Variants in MAST4 observed in about 807,000 individuals in gnomAD.
The protein encoded by MAST4 is microtubule-associated serine/threonine-protein kinase 4.
MAST4 carries 89 observed loss-of-function variants against 162.7 expected under a neutral mutation model. That is an observed-to-expected ratio of 0.55 (90% confidence interval 0.46 to 0.65). MAST4 has a LOEUF of 0.65. Ranked by LOEUF, MAST4 falls within the 30% of genes least tolerant of loss-of-function variation. The pLI, the probability that MAST4 is intolerant of heterozygous loss-of-function variation, is 0.00. For synonymous variants in MAST4, 1,479 were observed against 1,361.1 expected (o/e 1.09, Z -1.91); for missense variants, 3,153 against 3,374.0 (o/e 0.93, Z 1.62).
chr5:66,694,039 T>C (rs1243412341), intron 1 of MAST4, among the ~76,000 whole-genome samples: 1 of 152,212 alleles, frequency 6.6e-6, no homozygotes, highest in East Asian at 1.9e-4. Context: ...TTGGCTAGAC[T>C]GGAGGCTTAC....
At chr5:67,125,246 G>A (rs1484339372) in intron 14 of MAST4, among the ~76,000 whole-genome samples, 1 of 149,608 alleles carries the variant, frequency 6.7e-6, no homozygotes, top group South Asian at 2.1e-4. Context: ...CCCTTTTTTG[G>A]TTCTTTTTTT....
Position 66,825,744 on chromosome 5 carries a change from C to T in MAST4, c.642+36950C>T, listed in dbSNP as rs147566619. Among the ~76,000 whole-genome samples the T allele has an allele frequency of 4.5e-3, 687 of 151,920 alleles. 7 individuals are homozygous for T. Among genetic ancestry groups the T allele is most frequent in the African/African-American group, 0.016 (657 of 41,410 alleles). On this transcript the variant is annotated intron_variant, in intron 3 of 28. Coordinates refer to ENST00000403625, the MANE Select transcript of MAST4 (RefSeq NM_001164664.2). The stretch of plus-strand genomic sequence containing the variant: ...TGCCTATAATAGAGTGGGCATGTGG[C>T]GTATCCATACAGGTAATTTTTTTTA...
At chr5:66,869,377 C>T (rs147975908) in intron 3 of MAST4, among the ~76,000 whole-genome samples, 90 of 152,208 alleles carry the variant, frequency 5.9e-4, no homozygotes, top group African/African-American at 2.0e-3. Flanking sequence ...TTTTGTTTTG[C>T]TCAATGGTCA....
chr5:67,101,032 G>T (rs150707497), intron 8 of MAST4, among the ~76,000 whole-genome samples: 75 of 152,316 alleles, frequency 4.9e-4, no homozygotes, highest in African/African-American at 1.7e-3. Context: ...CTCTAAGACT[G>T]TGAACACATT....
intron 1 of MAST4, among the ~76,000 whole-genome samples, chr5:66,626,926 G>A (rs4443368): frequency 0.16 from 24,400 of 152,190 alleles, 2,328 homozygotes; most frequent in Non-Finnish European, 0.21. Flanking sequence ...ATAGTTAGCA[G>A]TGCCCAAGGC....
chr5:66,882,986 C>T (rs549320008), intron 3 of MAST4, among the ~76,000 whole-genome samples: 1 of 152,256 alleles, frequency 6.6e-6, no homozygotes, highest in East Asian at 1.9e-4. Flanking sequence ...TGACCAGGGA[C>T]CATTGCTCTC....
At chr5:66,679,646 C>T (rs1351483000) in intron 1 of MAST4, among the ~76,000 whole-genome samples, 1 of 151,976 alleles carries the variant, frequency 6.6e-6, no homozygotes, top group Non-Finnish European at 1.5e-5. Context: ...ACATGGAAAT[C>T]ATCCATGGTT....
chr5:67,027,031 A>G (rs578176701), intron 4 of MAST4, among the ~76,000 whole-genome samples: 7 of 152,322 alleles, frequency 4.6e-5, no homozygotes, highest in African/African-American at 1.7e-4. Context: ...ATGATTTTAC[A>G]TAAGATTATT....
In MAST4 at chr5:66,596,707, G is replaced by A. The variant is rs765320426; in HGVS notation, c.52G>A (p.Gly18Ser). Residue 18 changes from glycine (G) to serine (S), a missense_variant, in exon 1 of 29, where the codon GGC (glycine) becomes AGC (serine). Physicochemically the swap from Gly to Ser is moderately conservative, Grantham distance 56 (BLOSUM62 0). This residue lies in a region of MAST4 where 327 missense variants were observed against 336.5 expected (regional missense o/e 0.97). Transcript: ENST00000403625. ...APEPVPRGCS[G>S]HGSRTPASAL... ...AGAGCCGGTGCCCCGCGGCTGCAGTGGCCACGGCAGCCGGACTCCAGCCTC... is the reference window on the plus strand; with the variant it reads ...AGAGCCGGTGCCCCGCGGCTGCAGTAGCCACGGCAGCCGGACTCCAGCCTC... The A allele has an allele frequency of 6.9e-7, 1 of 1,456,170 alleles. No homozygotes were observed. The highest frequency in any genetic ancestry group is 9.0e-7 in the Non-Finnish European group (1 of 1,105,356). 90.2% of individuals were successfully genotyped at this position (1,456,170 alleles called of 1,614,324 possible). A position where few individuals can be genotyped will look rare whatever the true frequency, so the allele number is the denominator to read the frequency against.
At chr5:66,655,931 T>C (rs1256156376) in intron 1 of MAST4, among the ~76,000 whole-genome samples, 1 of 152,246 alleles carries the variant, frequency 6.6e-6, no homozygotes, top group Non-Finnish European at 1.5e-5. Flanking sequence ...TCTCCCCCTG[T>C]ATTTATTTTT....
intron 14 of MAST4, among the ~76,000 whole-genome samples, chr5:67,126,465 C>T (rs1265736181): frequency 2.6e-5 from 4 of 152,192 alleles, no homozygotes; most frequent in Non-Finnish European, 5.9e-5. Context: ...CTGCATATGG[C>T]TAGCCAGTTT....
At chr5:66,736,158 C>T (rs1477687273) in intron 1 of MAST4, among the ~76,000 whole-genome samples, 1 of 152,126 alleles carries the variant, frequency 6.6e-6, no homozygotes, top group African/African-American at 2.4e-5. Context: ...TCCTTCCTTT[C>T]CATCTTTATT....
chr5:66,957,179 GTTAAAGAATTTGTGGAT>G (rs1325618835), intron 4 of MAST4, among the ~76,000 whole-genome samples: 2 of 152,152 alleles, frequency 1.3e-5, no homozygotes, highest in Non-Finnish European at 2.9e-5. Context: ...TACTTTAAAA[GTTAAAGAATTTGTGGAT>G]TTCGCTTTAT....
chr5:66,849,079 T>C (rs1223285340), intron 3 of MAST4, among the ~76,000 whole-genome samples: 1 of 152,184 alleles, frequency 6.6e-6, no homozygotes, highest in Non-Finnish European at 1.5e-5. Flanking sequence ...TTATGGATGA[T>C]TAGGGGTGTC....
At chr5:66,770,333 G>A (rs906516818) in intron 2 of MAST4, among the ~76,000 whole-genome samples, 4 of 152,198 alleles carry the variant, frequency 2.6e-5, no homozygotes, top group African/African-American at 9.6e-5. Context: ...GGAGTAGTAA[G>A]GTCTCATGAG....
At chr5:67,024,035 C>G (rs1754312083) in intron 4 of MAST4, among the ~76,000 whole-genome samples, 1 of 151,790 alleles carries the variant, frequency 6.6e-6, no homozygotes, top group African/African-American at 2.4e-5. Context: ...AAAACAAACT[C>G]TACTCATTAA....
intron 3 of MAST4, among the ~76,000 whole-genome samples, chr5:66,825,104 A>G (rs941039252): frequency 6.6e-6 from 1 of 152,198 alleles, no homozygotes; most frequent in African/African-American, 2.4e-5. Flanking sequence ...TTTTTACTTT[A>G]TAGACTTTTT....
In MAST4 at chr5:66,777,422, G is replaced by A. The variant is rs141569726; in HGVS notation, c.518-11248G>A. Among the ~76,000 whole-genome samples, 847 of 152,250 alleles carry A rather than the reference G, an allele frequency of 5.6e-3. 8 individuals are homozygous for A. Among genetic ancestry groups the A allele is most frequent in the South Asian group, 0.051 (247 of 4,808 alleles). On this transcript the variant is annotated intron_variant, in intron 2 of 28. Transcript: ENST00000403625. ...ATCACCTCGTAAGATTGGTATCATCGCCATTGTACAGCATGTTTATGGTAA... is the reference window on the plus strand; with the variant it reads ...ATCACCTCGTAAGATTGGTATCATCACCATTGTACAGCATGTTTATGGTAA...
chr5:67,149,924 T>G (rs1771593506), intron 24 of MAST4, among the ~76,000 whole-genome samples: 1 of 151,974 alleles, frequency 6.6e-6, no homozygotes, highest in African/African-American at 2.4e-5. Context: ...CCTTGAATAA[T>G]TTTTTTTCTC....
Sources: allele counts gnomAD v4.1 joint callset (sites outside exome capture counted in the v4.1 genomes callset), GRCh38; gene constraint gnomAD v4.1.1; regional missense constraint gnomAD v4.1.1; transcripts MANE v1.5; gene names NCBI Gene and HGNC (gene_info 2026-07-23, HGNC 2026-07-21).